Variants in TBC1D10B observed in about 807,000 individuals in gnomAD.
TBC1D10B encodes Rab27A-GAPbeta.
In TBC1D10B, 25 loss-of-function variants were observed where a neutral mutation model predicts 78.4. The ratio of observed to expected loss-of-function variants is 0.32; its 90% CI spans 0.23 to 0.45. The LOEUF is 0.45. Ranked by LOEUF, TBC1D10B falls within the 20% of genes least tolerant of loss-of-function variation. The probability of loss-of-function intolerance (pLI) is 1.00; values close to 1 mark genes in which losing one functional copy is unlikely to be tolerated. For synonymous variants in TBC1D10B, 517 were observed against 478.0 expected (o/e 1.08, Z -1.06); for missense variants, 996 against 1,104.8 (o/e 0.90, Z 1.40).
Position 30,364,996 on chromosome 16 carries a change from C to A in TBC1D10B, c.1175G>T (p.Arg392Leu), listed in dbSNP as rs765465089. 1 of 1,613,174 alleles carries A rather than the reference C, an allele frequency of 6.2e-7. No homozygotes were observed. The highest frequency in any genetic ancestry group is 8.5e-7 in the Non-Finnish European group (1 of 1,179,536). The change falls in exon 4 of 9, where the codon CGG (arginine) becomes CTG (leucine). Residue 392 changes from arginine to leucine, a missense_variant. Transcript: ENST00000409939. ...QNPGKFEELE[R>L]APGDPKWLDV... ...CAGCCACTTGGGGTCCCCAGGAGCC[C>A]GTTCCAGCTCCTGCAGTGGGACAGT...
Position 30,369,813 on chromosome 16 carries a change from C to T in TBC1D10B, c.371G>A (p.Arg124Lys), listed in dbSNP as rs929817205. Reference sequence around the variant, plus strand: ...CGAGTCTGCCCCTGCGGCCAGAGCCCTCGATGTCTCAACTCCAGCCACTGC... The same window carrying T: ...CGAGTCTGCCCCTGCGGCCAGAGCCTTCGATGTCTCAACTCCAGCCACTGC... Reference protein sequence around the residue: ...PAAVAGVETSRALAAGADSPK... With the variant: ...PAAVAGVETSKALAAGADSPK... The change falls in exon 1 of 9, where the codon AGG (arginine) becomes AAG (lysine). Residue 124 changes from arginine (R) to lysine (K), a missense_variant. Around this residue, in one of 5 missense-constraint regions of TBC1D10B, gnomAD observed 448 missense variants for 442.1 expected, o/e 1.01. Transcript: ENST00000409939. The surrounding 1 kb of genome is among the most constrained non-coding windows in gnomAD (Gnocchi z 4.3). 7 of 1,421,180 alleles carry T rather than the reference C, an allele frequency of 4.9e-6. No homozygotes were observed. The highest frequency in any genetic ancestry group is 6.4e-6 in the Non-Finnish European group (7 of 1,087,830). 88.0% of individuals were successfully genotyped at this position (1,421,180 alleles called of 1,614,324 possible).
chr16:30,359,918 C>T, intron 4 of TBC1D10B, 77 bp from the exon 5 acceptor site: 10 of 1,317,042 alleles, frequency 7.6e-6, no homozygotes, highest in Non-Finnish European at 1.0e-5. Flanking sequence ...CAGATTCGTC[C>T]CAGAGTTTAT....
intron 4 of TBC1D10B, among the ~76,000 whole-genome samples, chr16:30,362,903 G>C (rs1024732193): frequency 1.3e-5 from 2 of 152,170 alleles, no homozygotes; most frequent in Non-Finnish European, 2.9e-5. Flanking sequence ...TAGGCATGGT[G>C]GCGGGTGCCT....
intron 4 of TBC1D10B, among the ~76,000 whole-genome samples, chr16:30,361,021 G>A (rs1023042828): frequency 6.6e-6 from 1 of 152,010 alleles, no homozygotes; most frequent in Non-Finnish European, 1.5e-5. Context: ...GCAGTAGCTC[G>A]CGCCTGTAAT....
intron 4 of TBC1D10B, among the ~76,000 whole-genome samples, chr16:30,363,550 G>A (rs1253407897): frequency 6.6e-6 from 1 of 152,180 alleles, no homozygotes; most frequent in African/African-American, 2.4e-5. Flanking sequence ...GAGCCCAGGA[G>A]TTCAAGACCA....
At chr16:30,362,790 C>A (rs560293611) in intron 4 of TBC1D10B, among the ~76,000 whole-genome samples, 2 of 152,314 alleles carry the variant, frequency 1.3e-5, no homozygotes, top group East Asian at 3.9e-4. Context: ...GTAATCCCAG[C>A]ACTTTGGAGG....
Position 30,358,469 on chromosome 16 carries a change from C to T in TBC1D10B, c.1902G>A (p.Arg634=), listed in dbSNP as rs2049574719. ...TRGELQYRPS[R]RLHGSRAIHE... ...GGATGGCCCGGGACCCATGCAGTCG[C>T]CGTGAGGGCCGATACTGCAGCTCCC... The change falls in exon 9 of 9, where the codon CGG becomes CGA. Residue 634 remains arginine, a synonymous_variant. Coordinates refer to ENST00000409939, the MANE Select transcript of TBC1D10B (RefSeq NM_015527.4). The T allele has an allele frequency of 6.3e-7, 1 of 1,594,250 alleles. No homozygotes were observed. Among genetic ancestry groups the T allele is most frequent in the African/African-American group, 1.3e-5 (1 of 74,644 alleles).
At position 30,357,851 on chromosome 16, in the gene TBC1D10B, C is replaced by G; in HGVS notation, c.*93G>C. On this transcript the variant is annotated 3_prime_UTR_variant, in exon 9 of 9. Coordinates refer to ENST00000409939, the MANE Select transcript of TBC1D10B (RefSeq NM_015527.4). Reference sequence around the variant, plus strand: ...AGCCACTTTCCCCAGCAAGGGACAGCCTGACAAGGTGCTAGGGGGTGGCAC... The same window carrying G: ...AGCCACTTTCCCCAGCAAGGGACAGGCTGACAAGGTGCTAGGGGGTGGCAC... 6.9e-7 allele frequency: 1 copy of G among 1,444,602 alleles called. No homozygotes were observed. The highest frequency in any genetic ancestry group is 2.5e-5 in the East Asian group (1 of 40,220). 89.5% of individuals were successfully genotyped at this position (1,444,602 alleles called of 1,614,324 possible).
Position 30,357,912 on chromosome 16 carries a change from G to C in TBC1D10B, c.*32C>G, listed in dbSNP as rs1218470388. 2 of 1,532,588 alleles carry C rather than the reference G, an allele frequency of 1.3e-6. No individual in the cohort carries two copies. The highest frequency in any genetic ancestry group is 1.8e-6 in the Non-Finnish European group (2 of 1,137,522). 94.9% of individuals were successfully genotyped at this position (1,532,588 alleles called of 1,614,324 possible). On this transcript the variant is annotated 3_prime_UTR_variant, in exon 9 of 9. Transcript: ENST00000409939. ...GCCTGTTCTTGGCTGAGGGAAAGAG[G>C]GGGGCCATGCAGTCCAGCCCCAGGG...
In TBC1D10B at chr16:30,357,470, A is replaced by G. The variant is rs796966004; in HGVS notation, c.*474T>C. 7.4e-4 allele frequency: 133 copies of G among 180,700 alleles called. No homozygotes were observed. The highest frequency in any genetic ancestry group is 3.0e-3 in the African/African-American group (126 of 42,398). 11.2% of individuals were successfully genotyped at this position (180,700 alleles called of 1,614,324 possible). ...AAGCGAGCACCCCCACCCCAGGCCA[A>G]CGCCATCCTCTGTACACAATTACAA... On this transcript the variant is annotated 3_prime_UTR_variant, in exon 9 of 9. Transcript: ENST00000409939.
At position 30,365,653 on chromosome 16, in the gene TBC1D10B, A is replaced by C; in HGVS notation, c.957-59T>G. Reference sequence around the variant, plus strand: ...AGCAATAGTGTAAAACCTGCATTGCAGGGGGAACTGAGGCAAGCCACCTCC... The same window carrying C: ...AGCAATAGTGTAAAACCTGCATTGCCGGGGGAACTGAGGCAAGCCACCTCC... On this transcript the variant is annotated intron_variant, in intron 1 of 8. Transcript: ENST00000409939. The surrounding 1 kb of genome is among the most constrained non-coding windows in gnomAD (Gnocchi z 5.0). The C allele has an allele frequency of 2.0e-6, 3 of 1,522,748 alleles. No homozygotes were observed. Among genetic ancestry groups the C allele is most frequent in the Non-Finnish European group, 1.8e-6 (2 of 1,102,582 alleles). The allele number at this position is 1,522,748 out of a possible 1,614,324, so 94.3% of individuals were successfully genotyped here. A position where few individuals can be genotyped will look rare whatever the true frequency, so the allele number is the denominator to read the frequency against.
At position 30,365,708 on chromosome 16, in the gene TBC1D10B, G is replaced by A; in HGVS notation, c.957-114C>T. 2.0e-6 allele frequency: 2 copies of A among 984,762 alleles called. No individual in the cohort carries two copies. Among genetic ancestry groups the A allele is most frequent in the Non-Finnish European group, 3.1e-6 (2 of 639,824 alleles). 61.0% of individuals were successfully genotyped at this position (984,762 alleles called of 1,614,324 possible). On this transcript the variant is annotated intron_variant, in intron 1 of 8. Transcript: ENST00000409939. This position sits in a 1 kb window ranked among gnomAD's most constrained non-coding sequence, Gnocchi z 5.0. ...GCTCAAACGAGAAACTGGATAGTCTGTGAGCTGCCAAACATCAGGATGTCT... is the reference window on the plus strand; with the variant it reads ...GCTCAAACGAGAAACTGGATAGTCTATGAGCTGCCAAACATCAGGATGTCT...
At chr16:30,363,234 T>C (rs1002382708) in intron 4 of TBC1D10B, among the ~76,000 whole-genome samples, 8 of 152,132 alleles carry the variant, frequency 5.3e-5, no homozygotes, top group Admixed American at 2.0e-4. Flanking sequence ...CTTCAAAATA[T>C]ATCCAGAATC....
At chr16:30,361,605 A>G (rs990460393) in intron 4 of TBC1D10B, among the ~76,000 whole-genome samples, 1 of 151,888 alleles carries the variant, frequency 6.6e-6, no homozygotes, top group African/African-American at 2.4e-5. Flanking sequence ...GGGTTTCTCC[A>G]TATTGGTCAG....
chr16:30,358,495 C>G lies in TBC1D10B; in HGVS notation c.1876G>C (p.Gly626Arg). 1 of 1,604,122 alleles carries G rather than the reference C, an allele frequency of 6.2e-7. No individual in the cohort carries two copies. Among genetic ancestry groups the G allele is most frequent in the South Asian group, 1.1e-5 (1 of 89,512 alleles). Reference sequence around the variant, plus strand: ...CGTGAGGGCCGATACTGCAGCTCCCCCCGCGTTTCCCGCCACTTCTTGAGC... The same window carrying G: ...CGTGAGGGCCGATACTGCAGCTCCCGCCGCGTTTCCCGCCACTTCTTGAGC... ...AQLKKWRETRGELQYRPSRRL... is the reference protein window; with the variant it reads ...AQLKKWRETRRELQYRPSRRL... Residue 626 changes from glycine to arginine, a missense_variant, in exon 9 of 9, where the codon GGG (glycine) becomes CGG (arginine). Physicochemically the swap from Gly to Arg is moderately radical, Grantham distance 125. Transcript: ENST00000409939.
rs1306335462 is a variant in TBC1D10B, at chr16:30,357,916, G to A, written c.*28C>T. 2.6e-6 allele frequency: 4 copies of A among 1,536,494 alleles called. No individual in the cohort carries two copies. Among genetic ancestry groups the A allele is most frequent in the East Asian group, 2.5e-5 (1 of 40,740 alleles). ...GTTCTTGGCTGAGGGAAAGAGGGGGGCCATGCAGTCCAGCCCCAGGGCAGA... is the reference window on the plus strand; with the variant it reads ...GTTCTTGGCTGAGGGAAAGAGGGGGACCATGCAGTCCAGCCCCAGGGCAGA... On this transcript the variant is annotated 3_prime_UTR_variant, in exon 9 of 9. Coordinates refer to ENST00000409939, the MANE Select transcript of TBC1D10B (RefSeq NM_015527.4).
In TBC1D10B at chr16:30,357,646, C is replaced by G; in HGVS notation, c.*298G>C. ...TGACTCCCATCACCAGGAGTCACCCCTGGGATGACAACGGGCCATTCAGGA... is the reference window on the plus strand; with the variant it reads ...TGACTCCCATCACCAGGAGTCACCCGTGGGATGACAACGGGCCATTCAGGA... On this transcript the variant is annotated 3_prime_UTR_variant, in exon 9 of 9. Coordinates refer to ENST00000409939, the MANE Select transcript of TBC1D10B (RefSeq NM_015527.4). 2 of 489,918 alleles carry G rather than the reference C, an allele frequency of 4.1e-6. No homozygotes were observed. Among genetic ancestry groups the G allele is most frequent in the Non-Finnish European group, 7.3e-6 (2 of 272,436 alleles). The allele number at this position is 489,918 out of a possible 1,614,324, so 30.3% of individuals were successfully genotyped here.
intron 1 of TBC1D10B, among the ~76,000 whole-genome samples, chr16:30,368,461 T>A (rs1420915761): frequency 1.3e-5 from 2 of 152,152 alleles, no homozygotes; most frequent in Non-Finnish European, 2.9e-5. Context: ...CAGGAGATGC[T>A]GTAGGCTGAC....
Position 30,365,359 on chromosome 16 carries a change from G to C in TBC1D10B, c.1056+136C>G, listed in dbSNP as rs1308471743. Reference sequence around the variant, plus strand: ...CCTGGCCTGGACTTCTATTTTTAAAGCCATTCCCCCGCCAGGGCCCATCTA... The same window carrying C: ...CCTGGCCTGGACTTCTATTTTTAAACCCATTCCCCCGCCAGGGCCCATCTA... On this transcript the variant is annotated intron_variant, in intron 2 of 8. Transcript: ENST00000409939. This position sits in a 1 kb window ranked among gnomAD's most constrained non-coding sequence, Gnocchi z 5.0. 7.9e-7 allele frequency: 1 copy of C among 1,267,862 alleles called. No individual in the cohort carries two copies. The highest frequency in any genetic ancestry group is 1.5e-5 in the African/African-American group (1 of 67,620). 78.5% of individuals were successfully genotyped at this position (1,267,862 alleles called of 1,614,324 possible). A position where few individuals can be genotyped will look rare whatever the true frequency, so the allele number is the denominator to read the frequency against.
Sources: gnomAD v4.1 joint callset for allele counts (sites outside exome capture counted in the v4.1 genomes callset) on GRCh38, gnomAD v4.1.1 for gene constraint, gnomAD v4.1.1 regional missense constraint, Gnocchi (gnomAD v3.1) non-coding constraint, MANE v1.5 for transcripts, NCBI Gene and HGNC (gene_info 2026-07-23, HGNC 2026-07-21) for gene names.